DLGAP2: variants seen among roughly 807,000 people sequenced by gnomAD.
DLGAP2 encodes the protein disks large-associated protein 2.
DLGAP2 carries 26 observed loss-of-function variants against 100.3 expected under a neutral mutation model. That is an observed-to-expected ratio of 0.26 (90% confidence interval 0.19 to 0.36). The LOEUF is 0.36. Among genes scored for constraint, DLGAP2 ranks in the 10% least tolerant of loss-of-function variants. DLGAP2 has a pLI of 1.00. For synonymous variants in DLGAP2, 886 were observed against 630.1 expected (o/e 1.41, Z -6.08); for missense variants, 1,858 against 1,453.2 (o/e 1.28, Z -4.53).
chr8:1,658,192 T>A (rs1191118604), intron 8 of DLGAP2, among the ~76,000 whole-genome samples: 1 of 152,096 alleles, frequency 6.6e-6, no homozygotes, highest in Admixed American at 6.5e-5. Context: ...CCATGATACC[T>A]GTATACCTGG....
chr8:1,236,961 T>C (rs1237715642), intron 2 of DLGAP2, among the ~76,000 whole-genome samples: 1 of 150,740 alleles, frequency 6.6e-6, no homozygotes, highest in Non-Finnish European at 1.5e-5. Flanking sequence ...TGTCTAGTTC[T>C]CTCACATGGT....
chr8:1,172,031 C>A (rs1318247224), intron 2 of DLGAP2, among the ~76,000 whole-genome samples: 2 of 151,996 alleles, frequency 1.3e-5, no homozygotes, highest in African/African-American at 4.8e-5. Flanking sequence ...CTGGTTGTTC[C>A]TTTTCATGTT....
At chr8:1,291,306 C>A (rs996707450) in intron 3 of DLGAP2, among the ~76,000 whole-genome samples, 2 of 152,008 alleles carry the variant, frequency 1.3e-5, no homozygotes, top group African/African-American at 4.8e-5. Flanking sequence ...CTCATGGACT[C>A]AAGATAAAGG....
chr8:1,619,580 A>C (rs1463987850), intron 6 of DLGAP2: 1 of 152,244 alleles, frequency 6.6e-6, no homozygotes, highest in Non-Finnish European at 1.5e-5. Context: ...GACATCTACC[A>C]AATGCTAAAA....
chr8:1,039,600 T>C (rs34970341), intron 2 of DLGAP2, among the ~76,000 whole-genome samples: 476 of 18,450 alleles, frequency 0.026, 21 homozygotes, highest in African/African-American at 0.03. Flanking sequence ...GTGGTCAGCT[T>C]GGTGTGCGTG....
intron 4 of DLGAP2, among the ~76,000 whole-genome samples, chr8:1,507,419 C>G (rs1047500645): frequency 6.6e-6 from 1 of 152,192 alleles, no homozygotes. Context: ...TTCACTGCCC[C>G]GCTGGCGCTG....
At chr8:1,434,995 G>C (rs1389948500) in intron 3 of DLGAP2, among the ~76,000 whole-genome samples, 1 of 152,144 alleles carries the variant, frequency 6.6e-6, no homozygotes, top group Non-Finnish European at 1.5e-5. Context: ...ACAACATTCA[G>C]TACTCTGTGT....
At chr8:938,787 C>T (rs947402382) in intron 2 of DLGAP2, among the ~76,000 whole-genome samples, 5 of 152,058 alleles carry the variant, frequency 3.3e-5, no homozygotes, top group South Asian at 2.1e-4. Flanking sequence ...GCACAGGGGC[C>T]ACGGGAGCCA....
At chr8:1,616,009 T>G (rs1211409725) in intron 6 of DLGAP2, among the ~76,000 whole-genome samples, 4 of 151,966 alleles carry the variant, frequency 2.6e-5, no homozygotes, top group Non-Finnish European at 5.9e-5. Flanking sequence ...TTAAAGATGT[T>G]AAAGGAGAAG....
chr8:1,303,274 G>C (rs1442129406), intron 3 of DLGAP2, among the ~76,000 whole-genome samples: 1 of 152,102 alleles, frequency 6.6e-6, no homozygotes, highest in Non-Finnish European at 1.5e-5. Flanking sequence ...GCGGGCGCCT[G>C]TAGTCCCAGC....
At chr8:1,110,007 ATGTGCTGGGTCTGTGAGG>A (rs1187788636) in intron 2 of DLGAP2, among the ~76,000 whole-genome samples, 1 of 98,936 alleles carries the variant, frequency 1.0e-5, no homozygotes, top group African/African-American at 5.0e-5. Flanking sequence ...GGTCTGTGAC[ATGTGCTGGGTCTGTGAGG>A]TGTGCACGTG....
At chr8:890,129 G>A (rs1028207847) in intron 1 of DLGAP2, among the ~76,000 whole-genome samples, 1 of 152,124 alleles carries the variant, frequency 6.6e-6, no homozygotes, top group African/African-American at 2.4e-5. Flanking sequence ...GCCGGTGAAG[G>A]ATTCACATGC....
intron 2 of DLGAP2, among the ~76,000 whole-genome samples, chr8:1,163,855 A>G (rs1056715985): frequency 1.3e-5 from 2 of 152,168 alleles, no homozygotes; most frequent in African/African-American, 2.4e-5. Context: ...TCTGCTCAGC[A>G]CTGCGGCTGC....
intron 1 of DLGAP2, among the ~76,000 whole-genome samples, chr8:873,292 A>G (rs1221401454): frequency 1.3e-5 from 2 of 152,190 alleles, no homozygotes; most frequent in Non-Finnish European, 1.5e-5. Context: ...AGGTAGTTTT[A>G]TGATTTCTTA....
chr8:971,491 G>A (rs927908027), intron 2 of DLGAP2, among the ~76,000 whole-genome samples: 1 of 152,186 alleles, frequency 6.6e-6, no homozygotes, highest in Non-Finnish European at 1.5e-5. Flanking sequence ...GGGAGAAGCA[G>A]CCCCAGCTGG....
rs1797967889 is a variant in DLGAP2 at position 1,643,714 on chromosome 8, GCCC to G, written c.1810+10669_1810+10671del. On this transcript the variant is annotated intron_variant, in intron 8 of 14. Transcript: ENST00000637795. ...ACCTGTGTCACCCTCGACCCCGCCG[GCCC>G]TCACCTGTGTCACCCTCGACCCCGC... Among the ~76,000 whole-genome samples, 10 of 7,160 alleles carry G rather than the reference GCCC, an allele frequency of 1.4e-3. 5 individuals carry two copies. Among genetic ancestry groups the G allele is most frequent in the Admixed American group, 1.9e-3 (2 of 1,054 alleles). 4.7% of individuals were successfully genotyped at this position (7,160 alleles called of 152,430 possible).
chr8:1,330,342 G>GGGGACTGAGTTCTGGGT (rs1270316196), intron 3 of DLGAP2, among the ~76,000 whole-genome samples: 1 of 149,064 alleles, frequency 6.7e-6, no homozygotes, highest in Non-Finnish European at 1.5e-5. Flanking sequence ...ACCGCTTCGC[G>GGGGACTGAGTTCTGGGT]GGGACTGAGT....
At chr8:948,818 C>T (rs887919089) in intron 2 of DLGAP2, among the ~76,000 whole-genome samples, 1 of 152,274 alleles carries the variant, frequency 6.6e-6, no homozygotes, top group Non-Finnish European at 1.5e-5. Context: ...ACCGGGCAAA[C>T]ACCTCATGCT....
chr8:762,995 TC>T (rs781145400), intron 1 of DLGAP2, among the ~76,000 whole-genome samples: 2 of 151,994 alleles, frequency 1.3e-5, no homozygotes, highest in Non-Finnish European at 2.9e-5. Flanking sequence ...TATTTAAATG[TC>T]CAGTAATGAC....
Sources: gnomAD v4.1 joint callset for allele counts (sites outside exome capture counted in the v4.1 genomes callset) on GRCh38, gnomAD v4.1.1 for gene constraint, MANE v1.5 for transcripts, NCBI Gene and HGNC (gene_info 2026-07-23, HGNC 2026-07-21) for gene names.